Variants in LGI3 observed in about 807,000 individuals in gnomAD.
The protein encoded by LGI3 is leucine-rich repeat LGI family member 3.
Under a neutral mutation model 55.4 loss-of-function variants are expected in LGI3, and 47 were observed. That is an observed-to-expected ratio of 0.85 (90% CI 0.67 to 1.08). LGI3 has a LOEUF of 1.08. LGI3 is among the 50% of genes least tolerant of loss of function. The probability of loss-of-function intolerance (pLI) is 0.00; values close to 1 mark genes in which losing one functional copy is unlikely to be tolerated. For missense variants in LGI3, 664 were observed against 726.3 expected, an observed-to-expected ratio of 0.91 and a Z score of 0.99; for synonymous variants, 326 against 315.0, an observed-to-expected ratio of 1.04 and a Z score of -0.37.
intron 2 of LGI3, 86 bp from the exon 3 acceptor site, chr8:22,154,717 C>G: frequency 9.6e-7 from 1 of 1,036,808 alleles, no homozygotes; most frequent in Non-Finnish European, 1.5e-6. Flanking sequence ...CTGGGCTTCC[C>G]CAAGACATGA....
intron 7 of LGI3, among the ~76,000 whole-genome samples, chr8:22,150,427 T>G (rs1827363550): frequency 6.7e-6 from 1 of 148,434 alleles, no homozygotes; most frequent in Non-Finnish European, 1.5e-5. Context: ...GGTGTGATCT[T>G]GGCTCGCTGC....
At position 22,148,868 on chromosome 8, in the gene LGI3, C is replaced by G. The variant is rs750434358; in HGVS notation, c.939G>C (p.Thr313=). The G allele has an allele frequency of 6.2e-7, 1 of 1,614,130 alleles. No homozygotes were observed. The highest frequency in any genetic ancestry group is 2.2e-5 in the East Asian group (1 of 44,882). The change falls in exon 8 of 8, where the codon ACG becomes ACC. Residue 313 remains threonine (T), a synonymous_variant. Coordinates refer to ENST00000306317, the MANE Select transcript of LGI3 (RefSeq NM_139278.4). The surrounding 1 kb of genome is among the most constrained non-coding windows in gnomAD (Gnocchi z 7.0). ...CAATGTCTTGCAGCCTGGTGAAGCGCGTGGTGTTGGGATCCCAGTGGTAAA... is the reference window on the plus strand; with the variant it reads ...CAATGTCTTGCAGCCTGGTGAAGCGGGTGGTGTTGGGATCCCAGTGGTAAA... ...SYIYHWDPNT[T]RFTRLQDIDP... is the part of the protein sequence containing the mutation.
At chr8:22,154,436 C>T (rs1299729377) in intron 3 of LGI3, 124 bp downstream of exon 3, 2 of 915,724 alleles carry the variant, frequency 2.2e-6, no homozygotes, top group Admixed American at 3.5e-5. Flanking sequence ...TGCAAGGGCT[C>T]TCGCCTCCCA....
intron 2 of LGI3, 32 bp from the exon 3 acceptor site, chr8:22,154,663 A>G (rs754244186): frequency 1.1e-5 from 17 of 1,548,874 alleles, no homozygotes; most frequent in Non-Finnish European, 1.5e-5. Flanking sequence ...TAGAGCTTCC[A>G]AGGGTGTGCC....
intron 7 of LGI3, 28 bp from the exon 8 acceptor site, chr8:22,149,005 C>T (rs1336872321): frequency 2.6e-6 from 4 of 1,553,506 alleles, no homozygotes; most frequent in South Asian, 1.2e-5. Flanking sequence ...CAGACAGCAT[C>T]AGGCAGGCCG....
rs538737490 is a variant in LGI3 at position 22,156,517 on chromosome 8, C to T, written c.26G>A (p.Gly9Asp). 69 of 1,344,346 alleles carry T rather than the reference C, an allele frequency of 5.1e-5. 2 individuals are homozygous for T. In the East Asian group the frequency reaches 1.2e-3, roughly 23 times the overall value. 83.3% of individuals were successfully genotyped at this position (1,344,346 alleles called of 1,614,324 possible). ...GAGCGCCAGCAGCCCCGGCCCCGGG[C>T]CCCCCCTGGCCCGCAGCCCCGCCAT... MAGLRARG[G>D]PGPGLLALSA... is the part of the protein sequence containing the mutation. Residue 9 changes from glycine (G) to aspartate (D), a missense_variant, in exon 1 of 8, where the codon GGC becomes GAC. Gly to Asp is a moderately conservative substitution (Grantham distance 94). Coordinates refer to ENST00000306317, the MANE Select transcript of LGI3 (RefSeq NM_139278.4).
rs770590306 is a variant in LGI3 at position 22,148,195 on chromosome 8, C to G, written c.1612G>C (p.Val538Leu). The G allele has an allele frequency of 6.2e-7, 1 of 1,612,068 alleles. No homozygotes were observed. The highest frequency in any genetic ancestry group is 8.5e-7 in the Non-Finnish European group (1 of 1,179,092). Residue 538 changes from valine (V) to leucine (L), a missense_variant, in exon 8 of 8, where the codon GTG becomes CTG. Transcript: ENST00000306317. The surrounding 1 kb of genome is among the most constrained non-coding windows in gnomAD (Gnocchi z 7.0). ...LAPSFKGQTL[V>L]YRHIVVDLSA ...AGATCCACCACAATGTGTCTATACA[C>G]CAGCGTCTGTCCCTTGAAGCTGGGG...
Position 22,148,421 on chromosome 8 carries a change from C to G in LGI3, c.1386G>C (p.Leu462=). 1.9e-6 allele frequency: 3 copies of G among 1,612,482 alleles called. No individual in the cohort carries two copies. The highest frequency in any genetic ancestry group is 1.7e-4 in the Middle Eastern group (1 of 6,058). The change falls in exon 8 of 8, where the codon CTG becomes CTC. Residue 462 remains leucine (L), a synonymous_variant. Coordinates refer to ENST00000306317, the MANE Select transcript of LGI3 (RefSeq NM_139278.4). The surrounding 1 kb of genome is among the most constrained non-coding windows in gnomAD (Gnocchi z 7.0). The stretch of plus-strand genomic sequence containing the variant: ...GCAGGGCCAGCGAGCCCCGGGAGGG[C>G]AGGGCCTGCACCTCCGAGAAGCGGG... ...EGTRFSEVQA[L]PSRGSLALQP...
chr8:22,153,217 C>T (rs1020979337), intron 5 of LGI3, among the ~76,000 whole-genome samples: 3 of 150,984 alleles, frequency 2.0e-5, no homozygotes, highest in African/African-American at 7.3e-5. Flanking sequence ...TCCAAGTAGC[C>T]AGGATTACAG....
intron 7 of LGI3, 24 bp from the exon 8 acceptor site, chr8:22,149,001 G>C: frequency 6.4e-7 from 1 of 1,563,866 alleles, no homozygotes; most frequent in Non-Finnish European, 8.7e-7. Context: ...GAGGCAGACA[G>C]CATCAGGCAG....
rs61084616 is a variant in LGI3, at chr8:22,150,351, A to ATTTTT, written c.829+1133_829+1137dup. ...CATCTTGTGTCAGTTTAAGCCTTCTATTTTTTTTTTTTTTTTTTTTTTTTT... is the reference window on the plus strand; with the variant it reads ...CATCTTGTGTCAGTTTAAGCCTTCTATTTTTTTTTTTTTTTTTTTTTTTTTTTTTT... On this transcript the variant is annotated intron_variant, in intron 7 of 7. Coordinates refer to ENST00000306317, the MANE Select transcript of LGI3 (RefSeq NM_139278.4). 1.3e-3 allele frequency among the ~76,000 whole-genome samples: 95 copies of ATTTTT among 72,590 alleles called. 1 individual carries two copies. Among genetic ancestry groups the ATTTTT allele is most frequent in the East Asian group, 2.5e-3 (6 of 2,434 alleles). 47.6% of individuals were successfully genotyped at this position (72,590 alleles called of 152,430 possible).
At chr8:22,155,895 C>G (rs1239998919) in intron 1 of LGI3, among the ~76,000 whole-genome samples, 1 of 152,246 alleles carries the variant, frequency 6.6e-6, no homozygotes, top group African/African-American at 2.4e-5. Flanking sequence ...ACAGGCTGGC[C>G]GAGCTGAGTG....
chr8:22,155,152 C>T (rs2131797385), intron 2 of LGI3: 1 of 552,932 alleles, frequency 1.8e-6, no homozygotes, highest in South Asian at 2.1e-5. Flanking sequence ...CAAGCCCATC[C>T]CCGCATCCCA....
intron 2 of LGI3, 71 bp downstream of exon 2, chr8:22,155,321 C>A: frequency 1.4e-6 from 2 of 1,441,914 alleles, no homozygotes; most frequent in South Asian, 2.4e-5. Flanking sequence ...TCTCCCTCTC[C>A]CCAGCCCAGG....
intron 7 of LGI3, among the ~76,000 whole-genome samples, chr8:22,151,141 G>A (rs750334124): frequency 8.6e-5 from 13 of 151,978 alleles, no homozygotes; most frequent in African/African-American, 1.9e-4. Context: ...ATCTAATTAC[G>A]TAAGCCAGAA....
At chr8:22,149,350 G>A (rs1007098147) in intron 7 of LGI3, among the ~76,000 whole-genome samples, 8 of 152,148 alleles carry the variant, frequency 5.3e-5, no homozygotes, top group South Asian at 2.1e-4. Context: ...AATTCATCAC[G>A]CTGGAAAGGA....
At chr8:22,151,760 G>C in intron 6 of LGI3, 71 bp downstream of exon 6, 1 of 1,565,614 alleles carries the variant, frequency 6.4e-7, no homozygotes, top group Non-Finnish European at 8.7e-7. Context: ...GGGCAGGGTG[G>C]GGGGTTTCGT....
At position 22,147,353 on chromosome 8, in the gene LGI3, C is replaced by T. The variant is rs1323002270; in HGVS notation, c.*807G>A. 1 of 152,296 alleles carries T rather than the reference C, an allele frequency of 6.6e-6. No individual in the cohort carries two copies. The highest frequency in any genetic ancestry group is 2.4e-5 in the African/African-American group (1 of 41,448). The allele number at this position is 152,296 out of a possible 1,614,324, so 9.4% of individuals were successfully genotyped here. ...ACGCCAAGGAGAACAGAGACAGACA[C>T]CCCTGGCAGCTCCCCGGGATTGCTT... On this transcript the variant is annotated 3_prime_UTR_variant, in exon 8 of 8. Transcript: ENST00000306317.
rs199663838 is a variant in LGI3 at position 22,151,884 on chromosome 8, T to C, written c.611A>G (p.Gln204Arg). ...CGGCAGGTCCTGCACCTTGTGCTCC[T>C]GGAAGCGGGGCGGGCTGGCGCAGTA... ...PIYCASPPRF[Q>R]EHKVQDLPLR... is the part of the protein sequence containing the mutation. Residue 204 changes from glutamine to arginine, a missense_variant, in exon 6 of 8, where the codon CAG (glutamine) becomes CGG (arginine). Coordinates refer to ENST00000306317, the MANE Select transcript of LGI3 (RefSeq NM_139278.4). The C allele has an allele frequency of 1.5e-4, 237 of 1,613,476 alleles. No individual in the cohort carries two copies. The East Asian group carries it at 3.5e-3, about 24-fold the overall frequency.
Sources: gnomAD v4.1 joint callset for allele counts (sites outside exome capture counted in the v4.1 genomes callset) on GRCh38, gnomAD v4.1.1 for gene constraint, Gnocchi (gnomAD v3.1) non-coding constraint, MANE v1.5 for transcripts, NCBI Gene and HGNC (gene_info 2026-07-23, HGNC 2026-07-21) for gene names.